VPS13B: variants seen among roughly 807,000 people sequenced by gnomAD.
The protein encoded by VPS13B is intermembrane lipid transfer protein VPS13B.
Under a neutral mutation model 426.4 loss-of-function variants are expected in VPS13B, and 285 were observed. That is an observed-to-expected ratio of 0.67 (90% confidence interval 0.61 to 0.74). The LOEUF (loss-of-function observed/expected upper bound fraction) is 0.74, where lower values mean the gene tolerates loss of function less well. Ranked by LOEUF, VPS13B falls within the 30% of genes least tolerant of loss-of-function variation. VPS13B has a pLI of 0.00. For missense variants in VPS13B, 4,537 were observed against 4,782.6 expected, an observed-to-expected ratio of 0.95 and a Z score of 1.51; for synonymous variants, 1,676 against 1,676.4, an observed-to-expected ratio of 1.00 and a Z score of 0.01.
chr8:99,403,551 A>G (rs1407035472), intron 21 of VPS13B, among the ~76,000 whole-genome samples: 1 of 148,106 alleles, frequency 6.8e-6, no homozygotes, highest in Non-Finnish European at 1.5e-5. Flanking sequence ...TCTGTCTCAA[A>G]AAAAAAAAAA....
intron 56 of VPS13B, among the ~76,000 whole-genome samples, chr8:99,856,600 G>A (rs1816563042): frequency 1.3e-5 from 2 of 152,234 alleles, no homozygotes; most frequent in Admixed American, 1.3e-4. Flanking sequence ...CAGCACTTTG[G>A]GAGGCCGAGG....
At chr8:99,735,778 T>A (rs1272649239) in intron 39 of VPS13B, among the ~76,000 whole-genome samples, 1 of 152,154 alleles carries the variant, frequency 6.6e-6, no homozygotes, top group Admixed American at 6.5e-5. Context: ...CCAGGCATAG[T>A]GAAAATCTCA....
intron 19 of VPS13B, among the ~76,000 whole-genome samples, chr8:99,367,676 G>GCTTTGT (rs1464552360): frequency 1.3e-5 from 2 of 152,110 alleles, no homozygotes; most frequent in African/African-American, 2.4e-5. Flanking sequence ...AGATAGATGT[G>GCTTTGT]CTTTACTCTT....
chr8:99,815,316 G>A (rs1410470506), intron 44 of VPS13B, among the ~76,000 whole-genome samples: 1 of 151,326 alleles, frequency 6.6e-6, no homozygotes, highest in Non-Finnish European at 1.5e-5. Context: ...CCAGTCCAAA[G>A]TCTGGCAAGT....
intron 51 of VPS13B, among the ~76,000 whole-genome samples, chr8:99,826,001 C>T (rs1455343958): frequency 2.6e-5 from 4 of 152,044 alleles, no homozygotes; most frequent in Non-Finnish European, 5.9e-5. Flanking sequence ...AGTCAGGTAG[C>T]GTGATGCCCC....
intron 31 of VPS13B, among the ~76,000 whole-genome samples, chr8:99,567,491 T>C (rs529390587): frequency 2.6e-4 from 39 of 151,702 alleles, no homozygotes; most frequent in African/African-American, 8.9e-4. Flanking sequence ...TTTTTTTTTT[T>C]CAAGAATGAG....
At chr8:99,722,113 C>T (rs768750952) in intron 39 of VPS13B, among the ~76,000 whole-genome samples, 13 of 152,182 alleles carry the variant, frequency 8.5e-5, no homozygotes, top group South Asian at 2.1e-4. Flanking sequence ...CAGTTTCTCC[C>T]TTTCTCATGA....
In VPS13B at chr8:99,778,739, AATAC is replaced by A; in HGVS notation, c.7490_7493del (p.Tyr2497Ter). 1 of 1,613,998 alleles carries A rather than the reference AATAC, an allele frequency of 6.2e-7. No homozygotes were observed. Among genetic ancestry groups the A allele is most frequent in the Non-Finnish European group, 8.5e-7 (1 of 1,179,906 alleles). On this transcript the variant is annotated frameshift_variant, in exon 42 of 62. Coordinates refer to ENST00000357162, the MANE Select transcript of VPS13B (RefSeq NM_152564.5). LOFTEE classifies it high-confidence loss of function. ...GACAGAAATATGCCATCTGAACTAG[AATAC>A]ATGATTGTTTCCTTCAGAGAACCAC...
chr8:99,572,247 A>G (rs1381005490), intron 31 of VPS13B, among the ~76,000 whole-genome samples: 3 of 152,164 alleles, frequency 2.0e-5, no homozygotes, highest in Non-Finnish European at 4.4e-5. Flanking sequence ...TACCAGCACA[A>G]ACTTTGCTTT....
chr8:99,152,939 G>T (rs1811150741), intron 14 of VPS13B, among the ~76,000 whole-genome samples: 1 of 152,188 alleles, frequency 6.6e-6, no homozygotes, highest in Non-Finnish European at 1.5e-5. Context: ...TGCTTTGGGA[G>T]GTAGAAGTGG....
intron 39 of VPS13B, among the ~76,000 whole-genome samples, chr8:99,745,658 C>T (rs545699534): frequency 6.6e-6 from 1 of 152,100 alleles, no homozygotes; most frequent in South Asian, 2.1e-4. Context: ...ATGTATCCCT[C>T]ATGGATAAGG....
At chr8:99,451,957 T>A (rs538647598) in intron 23 of VPS13B, among the ~76,000 whole-genome samples, 1 of 152,312 alleles carries the variant, frequency 6.6e-6, no homozygotes, top group Admixed American at 6.5e-5. Flanking sequence ...TTGACCAAAG[T>A]AATTTGAAAT....
At chr8:99,029,617 A>C (rs529193554) in intron 2 of VPS13B, among the ~76,000 whole-genome samples, 1 of 152,214 alleles carries the variant, frequency 6.6e-6, no homozygotes, top group East Asian at 1.9e-4. Flanking sequence ...ACCAAAAAAA[A>C]AAACGAAAAC....
At chr8:99,770,354 T>TA (rs1563909424) in intron 40 of VPS13B, among the ~76,000 whole-genome samples, 6 of 148,898 alleles carry the variant, frequency 4.0e-5, no homozygotes, top group South Asian at 2.1e-4. Flanking sequence ...GCCCTGGTCA[T>TA]GCTATCCATT....
chr8:99,555,681 C>G (rs1265469141), intron 30 of VPS13B, among the ~76,000 whole-genome samples: 2 of 152,122 alleles, frequency 1.3e-5, no homozygotes, highest in Non-Finnish European at 2.9e-5. Flanking sequence ...ACCTTATTGC[C>G]TTGCTATTTT....
intron 3 of VPS13B, among the ~76,000 whole-genome samples, chr8:99,056,969 T>C (rs1039482795): frequency 7.4e-4 from 113 of 152,298 alleles, no homozygotes; most frequent in African/African-American, 2.6e-3. Flanking sequence ...ATATTTTATT[T>C]CCTTTGGGGC....
chr8:99,389,167 TACACTC>T (rs1814288441), intron 20 of VPS13B, among the ~76,000 whole-genome samples: 1 of 151,954 alleles, frequency 6.6e-6, no homozygotes, highest in Non-Finnish European at 1.5e-5. Context: ...AAAAAAAAGA[TACACTC>T]AGAGCTTTAG....
At chr8:99,328,700 A>G (rs1291809200) in intron 19 of VPS13B, among the ~76,000 whole-genome samples, 1 of 152,172 alleles carries the variant, frequency 6.6e-6, no homozygotes, top group African/African-American at 2.4e-5. Context: ...TAAAATGGCT[A>G]TTTTATGCAA....
intron 33 of VPS13B, among the ~76,000 whole-genome samples, chr8:99,601,875 C>A (rs956634590): frequency 2.0e-5 from 3 of 152,102 alleles, no homozygotes; most frequent in Admixed American, 6.6e-5. Context: ...TGTTTAAGTT[C>A]TTTGTAGATT....
Sources: gnomAD v4.1 joint callset for allele counts (sites outside exome capture counted in the v4.1 genomes callset) on GRCh38, gnomAD v4.1.1 for gene constraint, MANE v1.5 for transcripts, NCBI Gene and HGNC (gene_info 2026-07-23, HGNC 2026-07-21) for gene names.